Variants in PTP4A1 observed in about 807,000 individuals in gnomAD.
The protein encoded by PTP4A1 is protein tyrosine phosphatase 4A1.
In PTP4A1, 9 loss-of-function variants were observed where a neutral mutation model predicts 20.5. The ratio of observed to expected loss-of-function variants is 0.44; its 90% CI spans 0.26 to 0.77. PTP4A1 has a LOEUF of 0.77. PTP4A1 is among the 30% of genes least tolerant of loss of function. The pLI, the probability that PTP4A1 is intolerant of heterozygous loss-of-function variation, is 0.19. For synonymous variants in PTP4A1, 78 were observed against 67.4 expected (o/e 1.16, Z -0.77); for missense variants, 137 against 218.8 (o/e 0.63, Z 2.36).
chr6:63,534,781 C>CTAAAGAATTTCA (rs1554198049), intron 2 of PTP4A1, among the ~76,000 whole-genome samples: 4 of 137,748 alleles, frequency 2.9e-5, no homozygotes, highest in Non-Finnish European at 4.6e-5. Context: ...AATTTCTTTA[C>CTAAAGAATTTCA]TAAAGAATTT....
chr6:63,558,492 G>A (rs893161957), intron 3 of PTP4A1, among the ~76,000 whole-genome samples: 37 of 152,130 alleles, frequency 2.4e-4, no homozygotes, highest in African/African-American at 8.2e-4. Context: ...AGCACCTGAA[G>A]GACAAAGGTT....
chr6:63,518,585 G>A (rs1226893336), upstream of PTP4A1, among the ~76,000 whole-genome samples: 1 of 152,118 alleles, frequency 6.6e-6, no homozygotes, highest in African/African-American at 2.4e-5. Context: ...AAAAAGAAAT[G>A]TAATGCTCAG....
intron 2 of PTP4A1, among the ~76,000 whole-genome samples, chr6:63,577,764 C>T (rs1777963150): frequency 6.6e-6 from 1 of 151,892 alleles, no homozygotes; most frequent in Admixed American, 6.6e-5. Flanking sequence ...ATTGGCCAGG[C>T]TGGTCTCGAA....
intron 2 of PTP4A1, among the ~76,000 whole-genome samples, chr6:63,547,489 CA>C (rs1301376107): frequency 1.4e-5 from 2 of 147,342 alleles, no homozygotes; most frequent in Admixed American, 6.8e-5. Context: ...CTCGCCCGGC[CA>C]GGGGGGAATT....
intron 2 of PTP4A1, among the ~76,000 whole-genome samples, chr6:63,548,015 T>C (rs1030313311): frequency 1.3e-5 from 2 of 152,224 alleles, no homozygotes; most frequent in Non-Finnish European, 2.9e-5. Flanking sequence ...ACTTGTTTAA[T>C]TCCCTCTAGG....
intron 2 of PTP4A1, chr6:63,550,221 G>C (rs1776376958): frequency 6.6e-6 from 1 of 152,106 alleles, no homozygotes; most frequent in Non-Finnish European, 1.5e-5. Context: ...AATGCTTCAT[G>C]AGCCCCTCCC....
chr6:63,565,415 G>A (rs1194809163), intron 3 of PTP4A1, among the ~76,000 whole-genome samples: 1 of 151,904 alleles, frequency 6.6e-6, no homozygotes, highest in Non-Finnish European at 1.5e-5. Context: ...AATAGAGATC[G>A]ATTCAAGAGA....
chr6:63,537,163 G>T (rs1391698911), intron 2 of PTP4A1, among the ~76,000 whole-genome samples: 1 of 152,138 alleles, frequency 6.6e-6, no homozygotes, highest in Non-Finnish European at 1.5e-5. Flanking sequence ...CCATTCTTAA[G>T]TTTACAAGTA....
At chr6:63,528,855 G>T (rs896360465) in intron 2 of PTP4A1, among the ~76,000 whole-genome samples, 4 of 152,014 alleles carry the variant, frequency 2.6e-5, no homozygotes, top group African/African-American at 9.7e-5. Flanking sequence ...TTGGGAGGCC[G>T]AGGCCGGTGG....
chr6:63,555,874 A>C (rs1405808359), intron 3 of PTP4A1, among the ~76,000 whole-genome samples: 1 of 151,842 alleles, frequency 6.6e-6, no homozygotes, highest in Admixed American at 6.6e-5. Context: ...TTGCATTTTT[A>C]GTAGAGACAG....
At chr6:63,548,725 C>T in intron 2 of PTP4A1, 1 of 646,514 alleles carries the variant, frequency 1.5e-6, no homozygotes, top group Non-Finnish European at 2.8e-6. Context: ...AGCTTAGTTG[C>T]AAGTTCTTGA....
At chr6:63,552,161 A>G (rs1335867824) in intron 3 of PTP4A1, among the ~76,000 whole-genome samples, 1 of 152,204 alleles carries the variant, frequency 6.6e-6, no homozygotes, top group Non-Finnish European at 1.5e-5. Context: ...TCCCACCAAC[A>G]GTGTAAAAGT....
chr6:63,551,215 G>A (rs562324753), intron 3 of PTP4A1, among the ~76,000 whole-genome samples: 217 of 151,922 alleles, frequency 1.4e-3, no homozygotes, highest in Middle Eastern at 0.01. Context: ...ACAGGGGCGC[G>A]CCACCACACC....
intron 2 of PTP4A1, among the ~76,000 whole-genome samples, chr6:63,546,433 C>T (rs970885615): frequency 3.9e-5 from 6 of 152,064 alleles, no homozygotes; most frequent in African/African-American, 1.4e-4. Context: ...TGGCCGGGTG[C>T]GGTGGCTCAC....
chr6:63,577,142 A>G lies in PTP4A1; in HGVS notation c.105+157A>G, dbSNP rs201358828. The stretch of plus-strand genomic sequence containing the variant: ...TCAATGTCTTCTATAGGTTAGAGGT[A>G]TATTTGTACATTTTGAGAAGGGCAT... On this transcript the variant is annotated intron_variant, in intron 2 of 5. Transcript: ENST00000626021. 1.5e-4 allele frequency among the ~76,000 whole-genome samples: 23 copies of G among 152,338 alleles called. No homozygotes were observed. In the East Asian group the frequency reaches 4.4e-3, roughly 29 times the overall value.
At chr6:63,548,405 A>C (rs1489818174) in intron 2 of PTP4A1, among the ~76,000 whole-genome samples, 1 of 152,200 alleles carries the variant, frequency 6.6e-6, no homozygotes, top group East Asian at 1.9e-4. Flanking sequence ...CTAGGCAAGC[A>C]CTTTAAACTG....
chr6:63,565,324 T>A (rs991417747), intron 3 of PTP4A1, among the ~76,000 whole-genome samples: 1 of 152,196 alleles, frequency 6.6e-6, no homozygotes, highest in Non-Finnish European at 1.5e-5. Flanking sequence ...CTCATTTGAT[T>A]TGGAGACTAC....
At chr6:63,572,288 A>C, upstream of PTP4A1, 4 of 189,924 alleles carry the variant, frequency 2.1e-5, no homozygotes, top group South Asian at 1.9e-4. Context: ...CGCCCCGGGG[A>C]TGCTCCGACT....
chr6:63,577,129 A>C, intron 2 of PTP4A1, 144 bp downstream of exon 2: 1 of 664,356 alleles, frequency 1.5e-6, no homozygotes, highest in Admixed American at 2.9e-5. Context: ...AATGTCTTCT[A>C]TAGGTTAGAG....
Sources: allele counts gnomAD v4.1 joint callset (sites outside exome capture counted in the v4.1 genomes callset), GRCh38; gene constraint gnomAD v4.1.1; transcripts MANE v1.5; gene names NCBI Gene and HGNC (gene_info 2026-07-23, HGNC 2026-07-21).